The following LITAF variants were observed in gnomAD, a reference collection of about 807,000 sequenced individuals.
LITAF encodes lipopolysaccharide induced TNF factor.
Under a neutral mutation model 14.5 loss-of-function variants are expected in LITAF, and 9 were observed. That is an observed-to-expected ratio of 0.62 (90% CI 0.37 to 1.08). The LOEUF is 1.08. Ranked by LOEUF, LITAF falls within the 50% of genes least tolerant of loss-of-function variation. The pLI, the probability that LITAF is intolerant of heterozygous loss-of-function variation, is 0.01. For synonymous variants in LITAF, 98 were observed against 88.2 expected (o/e 1.11, Z -0.62); for missense variants, 206 against 213.4 (o/e 0.97, Z 0.22).
At chr16:11,583,549 G>T (rs1356318505) in intron 1 of LITAF, among the ~76,000 whole-genome samples, 1 of 152,220 alleles carries the variant, frequency 6.6e-6, no homozygotes. Flanking sequence ...GCCCGATAAG[G>T]ACAGCCAGTG....
rs2064394265 is a variant in LITAF at position 11,562,982 on chromosome 16, G to C, written c.-5-6247C>G. 2.0e-5 allele frequency among the ~76,000 whole-genome samples: 3 copies of C among 151,522 alleles called. No individual in the cohort carries two copies. In the South Asian group the frequency reaches 6.3e-4, roughly 32 times the overall value. Reference sequence around the variant, plus strand: ...TTTTTTAATTAAAAAATATATATTAGCCAGACACGGTTGCACAAACTTGTA... The same window carrying C: ...TTTTTTAATTAAAAAATATATATTACCCAGACACGGTTGCACAAACTTGTA... On this transcript the variant is annotated intron_variant, in intron 1 of 3. Transcript: ENST00000622633.
rs76285260 is a variant in LITAF, at chr16:11,605,605, G to A, written c.85+27928C>T. On this transcript the variant is annotated intron_variant, in intron 3 of 3. Transcript: ENST00000574848. The surrounding 1 kb of genome is among the most constrained non-coding windows in gnomAD (Gnocchi z 4.7). ...AAGAAAAAGAATTGAGATGGGACAA[G>A]GAGTGAGAAGAGGGGAGGAAGCAAG... Among the ~76,000 whole-genome samples the A allele has an allele frequency of 6.7e-3, 1,019 of 152,286 alleles. 22 individuals carry two copies. The highest frequency in any genetic ancestry group is 0.024 in the African/African-American group (977 of 41,558).
intron 1 of LITAF, among the ~76,000 whole-genome samples, chr16:11,568,326 A>C (rs2064488489): frequency 1.3e-5 from 2 of 151,362 alleles, no homozygotes; most frequent in Non-Finnish European, 2.9e-5. Context: ...GGTAGTTCTT[A>C]CCACTGTATT....
intron 3 of LITAF, among the ~76,000 whole-genome samples, chr16:11,614,460 C>T (rs1484666920): frequency 7.2e-5 from 11 of 151,802 alleles, no homozygotes; most frequent in Admixed American, 2.6e-4. Flanking sequence ...CCACCAGGCC[C>T]GGCTAATTTT....
In LITAF at chr16:11,605,623, G is replaced by C. The variant is rs987194112; in HGVS notation, c.85+27910C>G. On this transcript the variant is annotated intron_variant, in intron 3 of 3. Coordinates refer to the LITAF transcript ENST00000574848. The surrounding 1 kb of genome is among the most constrained non-coding windows in gnomAD (Gnocchi z 4.7). ...GGGACAAGGAGTGAGAAGAGGGGAG[G>C]AAGCAAGAAAAAGTAAAGCAGCAGC... Among the ~76,000 whole-genome samples, 1 of 152,130 alleles carries C rather than the reference G, an allele frequency of 6.6e-6. No homozygotes were observed. Among genetic ancestry groups the C allele is most frequent in the African/African-American group, 2.4e-5 (1 of 41,432 alleles).
chr16:11,551,217 T>C (rs1199519437), intron 3 of LITAF, among the ~76,000 whole-genome samples: 1 of 152,236 alleles, frequency 6.6e-6, no homozygotes, highest in African/African-American at 2.4e-5. Flanking sequence ...TTCCTCCTAT[T>C]GCCTAAGCTT....
chr16:11,587,293 C>G (rs985960488), upstream of LITAF: 31 of 437,844 alleles, frequency 7.1e-5, no homozygotes, highest in Admixed American at 6.0e-4. Context: ...CACTTTCCCC[C>G]CTCCCCGCGC....
intron 1 of LITAF, chr16:11,598,335 T>C (rs1344535): frequency 0.7 from 104,995 of 149,436 alleles, 38,325 homozygotes; most frequent in African/African-American, 0.92. Flanking sequence ...ATGCCACTCT[T>C]CTACTCGGCT....
rs1597324647 is a variant in LITAF at position 11,549,521 on chromosome 16, G to T, written c.*116C>A. 2 of 762,848 alleles carry T rather than the reference G, an allele frequency of 2.6e-6. No homozygotes were observed. The highest frequency in any genetic ancestry group is 4.6e-6 in the Non-Finnish European group (2 of 433,340). The allele number at this position is 762,848 out of a possible 1,614,324, so 47.3% of individuals were successfully genotyped here. ...ATTCCCCCCAAAAGAAGACATGAAG[G>T]TGGGCCCCCTGGAGAGGTGAGACCA... On this transcript the variant is annotated 3_prime_UTR_variant, in exon 4 of 4. Transcript: ENST00000622633. This position sits in a 1 kb window ranked among gnomAD's most constrained non-coding sequence, Gnocchi z 4.6.
Sources: gnomAD v4.1 joint callset for allele counts (sites outside exome capture counted in the v4.1 genomes callset) on GRCh38, gnomAD v4.1.1 for gene constraint, Gnocchi (gnomAD v3.1) non-coding constraint, MANE v1.5 for transcripts, NCBI Gene and HGNC (gene_info 2026-07-23, HGNC 2026-07-21) for gene names.